The following ANTXR1 variants were observed in gnomAD, a reference collection of about 807,000 sequenced individuals.
The protein encoded by ANTXR1 is ANTXR cell adhesion molecule 1, also known as anthrax toxin receptor 1.
A neutral mutation model predicts 78.1 loss-of-function variants in ANTXR1; 19 were observed. That is an observed-to-expected ratio of 0.24 (90% CI 0.17 to 0.36). The LOEUF (loss-of-function observed/expected upper bound fraction) is 0.36. Ranked by LOEUF, ANTXR1 falls within the 10% of genes least tolerant of loss-of-function variation. ANTXR1 has a pLI of 1.00. For missense variants in ANTXR1, 518 were observed against 718.6 expected, an observed-to-expected ratio of 0.72 and a Z score of 3.19; for synonymous variants, 273 against 260.5, an observed-to-expected ratio of 1.05 and a Z score of -0.46.
intron 17 of ANTXR1, among the ~76,000 whole-genome samples, chr2:69,205,312 G>T (rs926938636): frequency 6.6e-6 from 1 of 152,050 alleles, no homozygotes; most frequent in African/African-American, 2.4e-5. Flanking sequence ...GAAGGGAGAA[G>T]AACTGAGAGA....
chr2:69,030,626 C>T (rs1005952124), intron 1 of ANTXR1, among the ~76,000 whole-genome samples: 2 of 152,148 alleles, frequency 1.3e-5, no homozygotes, highest in African/African-American at 4.8e-5. Context: ...AAAGACATCT[C>T]TGAATACTTA....
At chr2:69,126,809 G>A (rs58808189) in intron 12 of ANTXR1, among the ~76,000 whole-genome samples, 5 of 152,132 alleles carry the variant, frequency 3.3e-5, no homozygotes, top group African/African-American at 1.2e-4. Flanking sequence ...CCAACCCACG[G>A]CAGCCTCCAG....
intron 14 of ANTXR1, chr2:69,172,482 T>TA: frequency 6.6e-7 from 1 of 1,510,130 alleles, no homozygotes; most frequent in Middle Eastern, 2.3e-4. Context: ...AGTCTCAATC[T>TA]AGACAGTCTT....
intron 12 of ANTXR1, among the ~76,000 whole-genome samples, chr2:69,146,977 G>T (rs1322282150): frequency 6.6e-6 from 1 of 152,258 alleles, no homozygotes; most frequent in Non-Finnish European, 1.5e-5. Context: ...ATCCGGGAAG[G>T]AGATCTTGGA....
intron 2 of ANTXR1, among the ~76,000 whole-genome samples, chr2:69,042,365 A>G (rs1232843773): frequency 2.6e-5 from 4 of 152,084 alleles, no homozygotes; most frequent in Non-Finnish European, 4.4e-5. Flanking sequence ...TCAAGTTCCA[A>G]TCTACTCCTA....
intron 12 of ANTXR1, among the ~76,000 whole-genome samples, chr2:69,125,583 G>A (rs1672506509): frequency 6.6e-6 from 1 of 152,228 alleles, no homozygotes; most frequent in South Asian, 2.1e-4. Context: ...GCACAGGCCT[G>A]TAATCCCAGC....
intron 17 of ANTXR1, among the ~76,000 whole-genome samples, chr2:69,196,852 T>C (rs566935210): frequency 1.6e-4 from 24 of 152,358 alleles, no homozygotes; most frequent in African/African-American, 4.3e-4. Context: ...CCTTAGTTCC[T>C]GTCTCCTTCA....
chr2:69,044,304 T>C (rs919570683), intron 2 of ANTXR1, among the ~76,000 whole-genome samples: 1 of 152,130 alleles, frequency 6.6e-6, no homozygotes, highest in African/African-American at 2.4e-5. Context: ...TATATAATGT[T>C]AATAGCTGAT....
chr2:69,126,820 T>G (rs1167191916), intron 12 of ANTXR1, among the ~76,000 whole-genome samples: 1 of 152,224 alleles, frequency 6.6e-6, no homozygotes, highest in East Asian at 1.9e-4. Flanking sequence ...CAGCCTCCAG[T>G]TACATCTTAC....
chr2:69,027,888 C>A (rs1671397333), intron 1 of ANTXR1, among the ~76,000 whole-genome samples: 3 of 146,662 alleles, frequency 2.0e-5, no homozygotes, highest in African/African-American at 2.5e-5. Context: ...ATTTGTGAAA[C>A]AGGAGAAAAA....
chr2:69,102,988 G>A, intron 10 of ANTXR1, 48 bp downstream of exon 10: 2 of 1,556,768 alleles, frequency 1.3e-6, no homozygotes, highest in South Asian at 1.1e-5. Context: ...TGGCTTCAAG[G>A]AAGGGAATTC....
chr2:69,154,140 A>G (rs945065416), intron 13 of ANTXR1, among the ~76,000 whole-genome samples: 2 of 152,314 alleles, frequency 1.3e-5, no homozygotes, highest in Middle Eastern at 3.4e-3. Context: ...ATTGGAAGCA[A>G]TGTCACCCAA....
At chr2:69,181,020 A>G (rs1461957189) in intron 14 of ANTXR1, among the ~76,000 whole-genome samples, 1 of 152,072 alleles carries the variant, frequency 6.6e-6, no homozygotes, top group Non-Finnish European at 1.5e-5. Flanking sequence ...GCTCAGGAGG[A>G]GGGGGGCACA....
At chr2:69,181,183 A>G (rs1674266739) in intron 14 of ANTXR1, among the ~76,000 whole-genome samples, 1 of 152,180 alleles carries the variant, frequency 6.6e-6, no homozygotes. Context: ...AGTGTCCATG[A>G]GCAAGTGCAT....
At chr2:69,148,107 A>C (rs1673278010) in intron 12 of ANTXR1, among the ~76,000 whole-genome samples, 1 of 152,152 alleles carries the variant, frequency 6.6e-6, no homozygotes, top group Admixed American at 6.5e-5. Context: ...TTTGCTTTCC[A>C]AGAAGCAAAT....
intron 17 of ANTXR1, among the ~76,000 whole-genome samples, chr2:69,194,340 A>G (rs535840863): frequency 7.2e-5 from 11 of 152,336 alleles, no homozygotes; most frequent in African/African-American, 2.4e-4. Context: ...AGGCACATTA[A>G]TCCAAAAACA....
chr2:69,032,955 TA>T (rs1455822395), intron 1 of ANTXR1, among the ~76,000 whole-genome samples: 2 of 152,240 alleles, frequency 1.3e-5, no homozygotes, highest in Non-Finnish European at 2.9e-5. Flanking sequence ...GTATGCAGTA[TA>T]TTCTGGTATT....
chr2:69,090,805 T>C, intron 8 of ANTXR1, 54 bp from the exon 9 acceptor site: 1 of 1,585,524 alleles, frequency 6.3e-7, no homozygotes, highest in Non-Finnish European at 8.6e-7. Flanking sequence ...ACCCTGATTC[T>C]GTCTTTGAAC....
chr2:69,194,181 A>G (rs2104476966), intron 17 of ANTXR1, among the ~76,000 whole-genome samples: 1 of 152,356 alleles, frequency 6.6e-6, no homozygotes, highest in South Asian at 2.1e-4. Flanking sequence ...TACACTGGAA[A>G]CAACCTCAGT....
Sources: gnomAD v4.1 joint callset for allele counts (sites outside exome capture counted in the v4.1 genomes callset) on GRCh38, gnomAD v4.1.1 for gene constraint, MANE v1.5 for transcripts, NCBI Gene and HGNC (gene_info 2026-07-23, HGNC 2026-07-21) for gene names.